SLC10A7: variants seen among roughly 807,000 people sequenced by gnomAD.
SLC10A7 encodes solute carrier family 10 member 7.
A neutral mutation model predicts 43.2 loss-of-function variants in SLC10A7; 29 were observed. That is an observed-to-expected ratio of 0.67 (90% CI 0.50 to 0.92). SLC10A7 has a LOEUF of 0.92. SLC10A7 is among the 40% of genes least tolerant of loss of function. The pLI, the probability that SLC10A7 is intolerant of heterozygous loss-of-function variation, is 0.00. For missense variants in SLC10A7, 295 were observed against 403.2 expected (o/e 0.73, Z 2.30); for synonymous variants, 152 against 144.8 (o/e 1.05, Z -0.35).
chr4:146,378,133 G>C (rs866843997), intron 5 of SLC10A7, among the ~76,000 whole-genome samples: 2 of 152,298 alleles, frequency 1.3e-5, no homozygotes, highest in East Asian at 3.9e-4. Flanking sequence ...CTTTCAGAGG[G>C]AGGCATGAGG....
chr4:146,377,692 A>C (rs1473408719), intron 5 of SLC10A7, among the ~76,000 whole-genome samples: 1 of 152,180 alleles, frequency 6.6e-6, no homozygotes, highest in Non-Finnish European at 1.5e-5. Context: ...CTGTCCCAGG[A>C]ACAAAGAGGG....
At chr4:146,345,305 C>T (rs1734542816) in intron 5 of SLC10A7, among the ~76,000 whole-genome samples, 1 of 152,082 alleles carries the variant, frequency 6.6e-6, no homozygotes, top group Non-Finnish European at 1.5e-5. Flanking sequence ...TTTTCTCTAC[C>T]TTCTCTTACC....
Position 146,337,472 on chromosome 4 carries a change from C to T in SLC10A7, c.436-11476G>A, listed in dbSNP as rs549368674. ...TGTCAAGAGGATCATTTCACATTATCCAATGGTCAGCCAAAGTTCCTATGG... is the reference window on the plus strand; with the variant it reads ...TGTCAAGAGGATCATTTCACATTATTCAATGGTCAGCCAAAGTTCCTATGG... On this transcript the variant is annotated intron_variant, in intron 5 of 11. Transcript: ENST00000335472. Among the ~76,000 whole-genome samples, 406 of 152,096 alleles carry T rather than the reference C, an allele frequency of 2.7e-3. 1 individual carries two copies. The highest frequency in any genetic ancestry group is 9.2e-3 in the African/African-American group (381 of 41,528).
chr4:146,330,532 C>T (rs1015313719), intron 5 of SLC10A7, among the ~76,000 whole-genome samples: 14 of 152,154 alleles, frequency 9.2e-5, no homozygotes, highest in Non-Finnish European at 1.9e-4. Flanking sequence ...TCCCTCACGT[C>T]CTTATATAAC....
At chr4:146,393,625 T>C (rs1363953125) in intron 5 of SLC10A7, among the ~76,000 whole-genome samples, 1 of 152,220 alleles carries the variant, frequency 6.6e-6, no homozygotes, top group African/African-American at 2.4e-5. Context: ...AATGAGTGCA[T>C]GGCATACTGA....
intron 6 of SLC10A7, among the ~76,000 whole-genome samples, chr4:146,318,070 T>C (rs1169876081): frequency 6.6e-6 from 1 of 152,084 alleles, no homozygotes; most frequent in Non-Finnish European, 1.5e-5. Context: ...ATTTTTTCTG[T>C]ATCAGTTTTT....
chr4:146,336,049 T>C (rs1361399092), intron 5 of SLC10A7, among the ~76,000 whole-genome samples: 1 of 152,130 alleles, frequency 6.6e-6, no homozygotes, highest in Admixed American at 6.6e-5. Context: ...TGTAGGCATA[T>C]TAAAATTTTA....
At chr4:146,521,513 G>T in intron 1 of SLC10A7, 105 bp downstream of exon 1, 1 of 921,162 alleles carries the variant, frequency 1.1e-6, no homozygotes, top group South Asian at 1.6e-5. Context: ...AGTGCCCCCT[G>T]AAATTGGCAA....
intron 5 of SLC10A7, among the ~76,000 whole-genome samples, chr4:146,390,954 G>C (rs868098116): frequency 6.6e-6 from 1 of 152,118 alleles, no homozygotes; most frequent in Admixed American, 6.5e-5. Flanking sequence ...AACTTGAAAG[G>C]GAAAAACAAA....
At chr4:146,269,047 T>A (rs1335921540) in intron 10 of SLC10A7, among the ~76,000 whole-genome samples, 2 of 152,204 alleles carry the variant, frequency 1.3e-5, no homozygotes, top group Non-Finnish European at 1.5e-5. Flanking sequence ...TTAAGAAAAT[T>A]AAAAATTGTG....
At chr4:146,300,227 G>A (rs1315238127) in intron 7 of SLC10A7, among the ~76,000 whole-genome samples, 1 of 152,130 alleles carries the variant, frequency 6.6e-6, no homozygotes, top group South Asian at 2.1e-4. Context: ...GGTGAGGACA[G>A]GTATGGTGGC....
intron 5 of SLC10A7, among the ~76,000 whole-genome samples, chr4:146,393,453 T>C (rs1008799058): frequency 2.0e-5 from 3 of 152,128 alleles, no homozygotes; most frequent in Non-Finnish European, 4.4e-5. Context: ...CTCTTTATAC[T>C]TTACACTCTG....
intron 5 of SLC10A7, among the ~76,000 whole-genome samples, chr4:146,326,703 T>A (rs1733129479): frequency 6.6e-6 from 1 of 152,184 alleles, no homozygotes; most frequent in Admixed American, 6.5e-5. Flanking sequence ...TCTTTAAAAC[T>A]AAGTGTTTGA....
chr4:146,453,852 T>C (rs1182586650), intron 4 of SLC10A7, among the ~76,000 whole-genome samples: 1 of 151,936 alleles, frequency 6.6e-6, no homozygotes, highest in Non-Finnish European at 1.5e-5. Context: ...GTACACAATA[T>C]GCAATAGTTC....
At chr4:146,428,968 T>C (rs956756310) in intron 5 of SLC10A7, among the ~76,000 whole-genome samples, 2 of 152,126 alleles carry the variant, frequency 1.3e-5, no homozygotes, top group Non-Finnish European at 2.9e-5. Flanking sequence ...GCATATGGGT[T>C]TGGTAAACTA....
chr4:146,316,672 T>C (rs1372073788), intron 6 of SLC10A7, among the ~76,000 whole-genome samples: 1 of 152,084 alleles, frequency 6.6e-6, no homozygotes, highest in Admixed American at 6.6e-5. Context: ...AAGGTGATAC[T>C]TCAGGGAAAG....
At chr4:146,394,127 G>A (rs1163735976) in intron 5 of SLC10A7, among the ~76,000 whole-genome samples, 1 of 152,140 alleles carries the variant, frequency 6.6e-6, no homozygotes, top group African/African-American at 2.4e-5. Flanking sequence ...TCTTGAACTT[G>A]ATATGTAAGG....
At chr4:146,416,318 T>C (rs1728562651) in intron 5 of SLC10A7, among the ~76,000 whole-genome samples, 1 of 152,154 alleles carries the variant, frequency 6.6e-6, no homozygotes, top group South Asian at 2.1e-4. Flanking sequence ...AACAAAAGGT[T>C]AAACAACAGA....
intron 5 of SLC10A7, among the ~76,000 whole-genome samples, chr4:146,362,644 A>C (rs1736125399): frequency 6.7e-6 from 1 of 150,358 alleles, no homozygotes; most frequent in Non-Finnish European, 1.5e-5. Context: ...ATCTAATAAA[A>C]ATAATAACTA....
Sources: gnomAD v4.1 joint callset for allele counts (sites outside exome capture counted in the v4.1 genomes callset) on GRCh38, gnomAD v4.1.1 for gene constraint, MANE v1.5 for transcripts, NCBI Gene and HGNC (gene_info 2026-07-23, HGNC 2026-07-21) for gene names.